The following RPTOR variants were observed in gnomAD, a reference collection of about 807,000 sequenced individuals.
The protein encoded by RPTOR is regulatory-associated protein of mTOR.
Under a neutral mutation model 169.9 loss-of-function variants are expected in RPTOR, and 21 were observed. That is an observed-to-expected ratio of 0.12 (90% CI 0.09 to 0.18). The LOEUF (loss-of-function observed/expected upper bound fraction) is 0.18. Among genes scored for constraint, RPTOR ranks in the 10% least tolerant of loss-of-function variants. The probability of loss-of-function intolerance (pLI) is 1.00; values close to 1 mark genes in which losing one functional copy is unlikely to be tolerated. For synonymous variants in RPTOR, 732 were observed against 753.2 expected (o/e 0.97, Z 0.46); for missense variants, 1,133 against 1,855.9 (o/e 0.61, Z 7.16).
chr17:80,739,383 A>C (rs1800469915), intron 5 of RPTOR, among the ~76,000 whole-genome samples: 1 of 152,214 alleles, frequency 6.6e-6, no homozygotes, highest in South Asian at 2.1e-4. Context: ...TCTGCGCAGA[A>C]GGCAAGGGCA....
chr17:80,639,670 G>C (rs1021418362), intron 2 of RPTOR, among the ~76,000 whole-genome samples: 1 of 152,240 alleles, frequency 6.6e-6, no homozygotes, highest in African/African-American at 2.4e-5. Context: ...TGGTGGCCCT[G>C]TCTGTGCCTG....
intron 2 of RPTOR, among the ~76,000 whole-genome samples, chr17:80,626,098 G>C (rs566306633): frequency 5.9e-5 from 9 of 151,968 alleles, no homozygotes; most frequent in African/African-American, 2.2e-4. Context: ...CTGTCACCAG[G>C]CTGGAGTGCA....
chr17:80,951,096 C>T (rs112867761), intron 28 of RPTOR, among the ~76,000 whole-genome samples: 2,750 of 151,934 alleles, frequency 0.018, 88 homozygotes, highest in African/African-American at 0.063. Flanking sequence ...CAGCTGGCCC[C>T]GGGGTCCCTG....
chr17:80,796,742 A>G (rs1246271118), intron 7 of RPTOR, among the ~76,000 whole-genome samples: 2 of 152,250 alleles, frequency 1.3e-5, no homozygotes, highest in Non-Finnish European at 1.5e-5. Context: ...CTCTGAATGC[A>G]GTTCAGCAAA....
intron 23 of RPTOR, 134 bp downstream of exon 23, chr17:80,923,807 T>A: frequency 1.0e-6 from 1 of 992,172 alleles, no homozygotes; most frequent in Non-Finnish European, 1.5e-6. Context: ...CCTGGGTCTG[T>A]GGGCCACTCT....
intron 1 of RPTOR, among the ~76,000 whole-genome samples, chr17:80,600,719 A>G (rs2065178746): frequency 6.6e-6 from 1 of 152,208 alleles, no homozygotes; most frequent in Non-Finnish European, 1.5e-5. Context: ...TCAAGCTGAT[A>G]GCAGTAATCG....
chr17:80,601,735 C>G (rs1179436086), intron 1 of RPTOR, among the ~76,000 whole-genome samples: 1 of 14,004 alleles, frequency 7.1e-5, no homozygotes, highest in South Asian at 1.2e-3. Flanking sequence ...TGTTTGTGTC[C>G]CTGATTACTT....
chr17:80,828,007 C>T (rs866521626), intron 9 of RPTOR, among the ~76,000 whole-genome samples: 1 of 152,204 alleles, frequency 6.6e-6, no homozygotes, highest in Non-Finnish European at 1.5e-5. Flanking sequence ...TAGCGGCGTA[C>T]GTGCTGAGTC....
intron 16 of RPTOR, 51 bp downstream of exon 16, chr17:80,884,023 G>T (rs2068214287): frequency 6.4e-7 from 1 of 1,571,126 alleles, no homozygotes; most frequent in Non-Finnish European, 8.6e-7. Flanking sequence ...CCGACTGCGG[G>T]GGTAAGGCAG....
Position 80,790,587 on chromosome 17 carries a change from G to A in RPTOR, c.831-863G>A, listed in dbSNP as rs532774524. Among the ~76,000 whole-genome samples the A allele has an allele frequency of 3.3e-5, 5 of 152,156 alleles. No homozygotes were observed. In the East Asian group the frequency reaches 5.8e-4, roughly 18 times the overall value. On this transcript the variant is annotated intron_variant, in intron 6 of 33. Transcript: ENST00000306801. The stretch of plus-strand genomic sequence containing the variant: ...AGTCACTGCCACGTCTCCCCCGAAC[G>A]TGCCTGACCCTTGCACTGCACCCTC...
Position 80,594,386 on chromosome 17 carries a change from C to T in RPTOR, c.163-31305C>T, listed in dbSNP as rs2065129644. 2.0e-5 allele frequency among the ~76,000 whole-genome samples: 3 copies of T among 152,202 alleles called. No homozygotes were observed. The South Asian group carries it at 6.2e-4, about 31-fold the overall frequency. On this transcript the variant is annotated intron_variant, in intron 1 of 33. Transcript: ENST00000306801. ...GGATTACAGGCGTGAGCCACCACGC[C>T]CGGCCGTGCAGTTCTTTAAACGTAG...
intron 3 of RPTOR, among the ~76,000 whole-genome samples, chr17:80,683,354 G>T (rs1013502411): frequency 6.6e-6 from 1 of 152,184 alleles, no homozygotes; most frequent in African/African-American, 2.4e-5. Context: ...AAGTGATACT[G>T]GGGCTTCCTC....
chr17:80,590,519 A>G (rs1407736102), intron 1 of RPTOR, among the ~76,000 whole-genome samples: 9 of 125,546 alleles, frequency 7.2e-5, no homozygotes, highest in African/African-American at 9.3e-5. Flanking sequence ...TTAATGGTTG[A>G]GCTGTGTGTT....
At chr17:80,653,532 C>T (rs2065656565) in intron 3 of RPTOR, among the ~76,000 whole-genome samples, 3 of 152,112 alleles carry the variant, frequency 2.0e-5, no homozygotes, top group Admixed American at 6.6e-5. Flanking sequence ...GAGTGTATGT[C>T]GGGAGAAAGC....
intron 18 of RPTOR, among the ~76,000 whole-genome samples, chr17:80,892,283 C>A (rs938962959): frequency 1.1e-4 from 16 of 152,162 alleles, no homozygotes; most frequent in African/African-American, 3.1e-4. Flanking sequence ...CCTCCCGCTT[C>A]CACACAGCCG....
chr17:80,625,056 C>T (rs1050359979), intron 1 of RPTOR, among the ~76,000 whole-genome samples: 12 of 152,058 alleles, frequency 7.9e-5, no homozygotes, highest in Non-Finnish European at 1.5e-4. Context: ...CCAGGTGACC[C>T]GGGGGAGGGG....
chr17:80,797,563 G>A (rs1055288254), intron 7 of RPTOR, among the ~76,000 whole-genome samples: 5 of 152,202 alleles, frequency 3.3e-5, no homozygotes, highest in African/African-American at 7.2e-5. Flanking sequence ...GATTATAGGC[G>A]TGAGCCACCA....
At chr17:80,889,454 G>T (rs896640435) in intron 17 of RPTOR, among the ~76,000 whole-genome samples, 5 of 152,228 alleles carry the variant, frequency 3.3e-5, no homozygotes, top group African/African-American at 1.2e-4. Context: ...AGAGGACCTG[G>T]GAAGCCTGGC....
chr17:80,873,316 G>A (rs2068071633), intron 13 of RPTOR, among the ~76,000 whole-genome samples: 2 of 152,102 alleles, frequency 1.3e-5, no homozygotes, highest in South Asian at 4.2e-4. Context: ...GGAGTGATTG[G>A]CATACGTGAT....
Sources: gnomAD v4.1 joint callset for allele counts (sites outside exome capture counted in the v4.1 genomes callset) on GRCh38, gnomAD v4.1.1 for gene constraint, MANE v1.5 for transcripts, NCBI Gene and HGNC (gene_info 2026-07-23, HGNC 2026-07-21) for gene names.